DSCAM: variants seen among roughly 807,000 people sequenced by gnomAD.
DSCAM encodes the protein cell adhesion molecule DSCAM.
DSCAM carries 47 observed loss-of-function variants against 217.7 expected under a neutral mutation model. The ratio of observed to expected loss-of-function variants is 0.22; its 90% confidence interval spans 0.17 to 0.28. The LOEUF (loss-of-function observed/expected upper bound fraction) is 0.28, where lower values mean the gene tolerates loss of function less well. Among genes scored for constraint, DSCAM ranks in the 10% least tolerant of loss-of-function variants. The pLI is 1.00. For synonymous variants in DSCAM, 1,056 were observed against 1,015.3 expected (o/e 1.04, Z -0.76); for missense variants, 2,080 against 2,618.3 (o/e 0.79, Z 4.49).
chr21:40,139,898 G>A (rs889413712), intron 18 of DSCAM, among the ~76,000 whole-genome samples: 1 of 150,034 alleles, frequency 6.7e-6, no homozygotes, highest in Non-Finnish European at 1.5e-5. Flanking sequence ...GGGTGTGTGA[G>A]GTGTGGTGTG....
Position 40,497,429 on chromosome 21 carries a change from A to G in DSCAM, c.509-128184T>C, listed in dbSNP as rs183230673. ...TGAAATCTAAAAGAATTAAATTCAT[A>G]GAAGTAGTGAGTAGAATGGTGGTTT... is the stretch of plus-strand genomic sequence containing the variant. On this transcript the variant is annotated intron_variant, in intron 3 of 32. Coordinates refer to ENST00000400454, the MANE Select transcript of DSCAM (RefSeq NM_001389.5). 3.6e-3 allele frequency among the ~76,000 whole-genome samples: 520 copies of G among 144,234 alleles called. 3 individuals are homozygous for G. Among genetic ancestry groups the G allele is most frequent in the Non-Finnish European group, 6.3e-3 (414 of 65,344 alleles). The allele number at this position is 144,234 out of a possible 152,430, so 94.6% of individuals were successfully genotyped here. A position where few individuals can be genotyped will look rare whatever the true frequency, so the allele number is the denominator to read the frequency against.
chr21:40,376,052 T>A (rs185057169), intron 3 of DSCAM, among the ~76,000 whole-genome samples: 93 of 152,330 alleles, frequency 6.1e-4, no homozygotes, highest in Admixed American at 1.3e-3. Context: ...AAAGCATATG[T>A]CATTTTTCAC....
At chr21:40,837,519 G>T (rs936317127) in intron 1 of DSCAM, among the ~76,000 whole-genome samples, 1 of 152,182 alleles carries the variant, frequency 6.6e-6, no homozygotes, top group Non-Finnish European at 1.5e-5. Context: ...AATAGCTATT[G>T]ATTTGGGTGA....
intron 3 of DSCAM, among the ~76,000 whole-genome samples, chr21:40,680,478 C>T (rs9976323): frequency 0.42 from 63,108 of 152,044 alleles, 13,940 homozygotes; most frequent in East Asian, 0.58. Context: ...AAACCCAAGC[C>T]CTGCTGTGCG....
At chr21:40,291,068 C>T (rs953518728) in intron 10 of DSCAM, among the ~76,000 whole-genome samples, 3 of 152,206 alleles carry the variant, frequency 2.0e-5, no homozygotes, top group Non-Finnish European at 2.9e-5. Flanking sequence ...CAGGTCTGCC[C>T]TCCTGGAGTC....
intron 10 of DSCAM, among the ~76,000 whole-genome samples, chr21:40,292,939 T>A (rs2073911847): frequency 6.6e-6 from 1 of 152,074 alleles, no homozygotes; most frequent in South Asian, 2.1e-4. Context: ...GGTTTCACCG[T>A]GTTAGCCAGG....
At chr21:40,595,132 G>A (rs902245881) in intron 3 of DSCAM, among the ~76,000 whole-genome samples, 3 of 152,094 alleles carry the variant, frequency 2.0e-5, no homozygotes, top group East Asian at 1.9e-4. Flanking sequence ...AATTCCATGA[G>A]TTTGGGAGGC....
intron 3 of DSCAM, among the ~76,000 whole-genome samples, chr21:40,466,442 C>T (rs1348335921): frequency 1.3e-5 from 2 of 152,198 alleles, no homozygotes; most frequent in African/African-American, 2.4e-5. Context: ...GAGCCTGAGT[C>T]CCCTCCATGG....
chr21:40,605,220 TACCAATC>T lies in DSCAM; in HGVS notation c.508+87583_508+87589del, dbSNP rs1188218871. On this transcript the variant is annotated intron_variant, in intron 3 of 32. Coordinates refer to ENST00000400454, the MANE Select transcript of DSCAM (RefSeq NM_001389.5). Reference sequence around the variant, plus strand: ...ATTGAACTTACCATTTACGTGTTCCTACCAATCACTGGCTCCGCAAGCTTCTGCCCCC... The same window carrying T: ...ATTGAACTTACCATTTACGTGTTCCTACTGGCTCCGCAAGCTTCTGCCCCC... 2.0e-5 allele frequency among the ~76,000 whole-genome samples: 3 copies of T among 152,218 alleles called. No homozygotes were observed. The East Asian group carries it at 5.8e-4, about 29-fold the overall frequency.
intron 3 of DSCAM, among the ~76,000 whole-genome samples, chr21:40,387,089 T>C (rs2075093202): frequency 6.6e-6 from 1 of 152,176 alleles, no homozygotes; most frequent in Non-Finnish European, 1.5e-5. Context: ...TATAAGAAAC[T>C]TAGACAAGCT....
intron 3 of DSCAM, among the ~76,000 whole-genome samples, chr21:40,369,871 ACT>A (rs1027946168): frequency 3.4e-4 from 51 of 152,166 alleles, no homozygotes; most frequent in African/African-American, 1.1e-3. Context: ...GTTTTAGAAT[ACT>A]CTGTTATTTC....
At position 40,645,422 on chromosome 21, in the gene DSCAM, ACTGTAGAAGG is replaced by A. The variant is rs1233754173; in HGVS notation, c.508+47378_508+47387del. ...ATACATAAAGATGAAATTCAGCTGG[ACTGTAGAAGG>A]CTGTTAATTGAATTAGGGTAAAATA... On this transcript the variant is annotated intron_variant, in intron 3 of 32. Coordinates refer to ENST00000400454, the MANE Select transcript of DSCAM (RefSeq NM_001389.5). Among the ~76,000 whole-genome samples the A allele has an allele frequency of 1.4e-4, 22 of 152,336 alleles. No individual in the cohort carries two copies. The East Asian group carries it at 3.5e-3, about 24-fold the overall frequency.
At chr21:40,722,105 T>G (rs751699175) in intron 1 of DSCAM, among the ~76,000 whole-genome samples, 4 of 151,906 alleles carry the variant, frequency 2.6e-5, no homozygotes, top group Non-Finnish European at 4.4e-5. Context: ...AAAGACAAAA[T>G]AACTTTCTAG....
chr21:40,289,118 G>C (rs1329895145), intron 10 of DSCAM, among the ~76,000 whole-genome samples: 33 of 152,296 alleles, frequency 2.2e-4, no homozygotes, highest in Non-Finnish European at 7.3e-5. Flanking sequence ...AAAGCAAATG[G>C]GAGAGAGAAG....
intron 1 of DSCAM, among the ~76,000 whole-genome samples, chr21:40,845,030 G>T (rs1038180203): frequency 2.6e-5 from 4 of 152,134 alleles, no homozygotes; most frequent in Non-Finnish European, 5.9e-5. Context: ...TTAGGAGGTC[G>T]CATTAGCAGA....
chr21:40,237,244 T>G (rs1279787916), intron 11 of DSCAM, among the ~76,000 whole-genome samples: 2 of 152,192 alleles, frequency 1.3e-5, no homozygotes, highest in Non-Finnish European at 2.9e-5. Flanking sequence ...CTTTAAGTTC[T>G]GGGGTACATG....
intron 11 of DSCAM, among the ~76,000 whole-genome samples, 185 bp from the exon 12 acceptor site, chr21:40,189,423 G>A (rs1045698075): frequency 6.6e-6 from 1 of 152,212 alleles, no homozygotes; most frequent in African/African-American, 2.4e-5. Context: ...ACTTGAGTAA[G>A]TGAGCCCTCA....
rs555161905 is a variant in DSCAM at position 40,708,604 on chromosome 21, C to T, written c.211G>A (p.Gly71Arg). ...ATGEEIYDVP[G>R]IRHVHPNGTL... ...CCGTTGGGGTGGACGTGGCGGATCCCGGGGACATCGTAGATCTCCTCGCCC... is the reference window on the plus strand; with the variant it reads ...CCGTTGGGGTGGACGTGGCGGATCCTGGGGACATCGTAGATCTCCTCGCCC... Residue 71 changes from glycine to arginine, a missense_variant, in exon 2 of 33, where the codon GGG (glycine) becomes AGG (arginine). Around this residue, in one of 5 missense-constraint regions of DSCAM, gnomAD observed 568 missense variants for 678.1 expected, o/e 0.84. Transcript: ENST00000400454. 4 of 1,611,316 alleles carry T rather than the reference C, an allele frequency of 2.5e-6. No homozygotes were observed. Among genetic ancestry groups the T allele is most frequent in the South Asian group, 2.2e-5 (2 of 90,138 alleles).
At position 40,283,756 on chromosome 21, in the gene DSCAM, T is replaced by C. The variant is rs13048687; in HGVS notation, c.2183-7486A>G. 5.7e-3 allele frequency among the ~76,000 whole-genome samples: 870 copies of C among 152,306 alleles called. 4 individuals are homozygous for C. Among genetic ancestry groups the C allele is most frequent in the Middle Eastern group, 0.01 (3 of 294 alleles). ...ATAAGGAGAATAATCCATTTACATA[T>C]GATGTAGGATTGTTGTGCACATAAA... On this transcript the variant is annotated intron_variant, in intron 10 of 32. Coordinates refer to ENST00000400454, the MANE Select transcript of DSCAM (RefSeq NM_001389.5).
Sources: gnomAD v4.1 joint callset for allele counts (sites outside exome capture counted in the v4.1 genomes callset) on GRCh38, gnomAD v4.1.1 for gene constraint, gnomAD v4.1.1 regional missense constraint, MANE v1.5 for transcripts, NCBI Gene and HGNC (gene_info 2026-07-23, HGNC 2026-07-21) for gene names.